Variants in TMEFF1 observed in about 807,000 individuals in gnomAD.
The protein encoded by TMEFF1 is transmembrane protein with EGF like and two follistatin like domains 1.
In TMEFF1, 20 loss-of-function variants were observed where a neutral mutation model predicts 47.5. The ratio of observed to expected loss-of-function variants is 0.42; its 90% CI spans 0.30 to 0.61. The LOEUF is 0.61. Ranked by LOEUF, TMEFF1 falls within the 20% of genes least tolerant of loss-of-function variation. The pLI is 0.19. For missense variants in TMEFF1, 411 were observed against 471.1 expected, an observed-to-expected ratio of 0.87 and a Z score of 1.18; for synonymous variants, 162 against 166.3, an observed-to-expected ratio of 0.97 and a Z score of 0.20.
At chr9:100,526,955 CAAAAAAAAA>C (rs55736750) in intron 5 of TMEFF1, among the ~76,000 whole-genome samples, 20 of 38,982 alleles carry the variant, frequency 5.1e-4, no homozygotes, top group Non-Finnish European at 7.3e-4. Flanking sequence ...GCTAAAAATA[CAAAAAAAAA>C]AAAAAAAAAA....
At chr9:100,543,505 CT>C (rs967927420) in intron 5 of TMEFF1, among the ~76,000 whole-genome samples, 32 of 151,932 alleles carry the variant, frequency 2.1e-4, no homozygotes, top group African/African-American at 7.2e-4. Flanking sequence ...GCATATTTTT[CT>C]CAGAATTGTA....
chr9:100,538,083 C>T (rs1838554992), intron 5 of TMEFF1, among the ~76,000 whole-genome samples: 2 of 151,582 alleles, frequency 1.3e-5, no homozygotes, highest in Admixed American at 6.6e-5. Context: ...TTGAGACAGA[C>T]TCTCATGTTG....
chr9:100,493,094 G>C (rs1837585790), intron 1 of TMEFF1, among the ~76,000 whole-genome samples: 1 of 151,838 alleles, frequency 6.6e-6, no homozygotes, highest in Non-Finnish European at 1.5e-5. Context: ...CCCCCCCACA[G>C]GATGTGGTTG....
At chr9:100,525,070 C>G (rs1838231745) in intron 5 of TMEFF1, among the ~76,000 whole-genome samples, 2 of 152,142 alleles carry the variant, frequency 1.3e-5, no homozygotes, top group South Asian at 4.1e-4. Flanking sequence ...ACACAGCTGT[C>G]TATAGAGTTA....
intron 2 of TMEFF1, among the ~76,000 whole-genome samples, chr9:100,502,082 C>T (rs1185805724): frequency 2.0e-5 from 3 of 152,148 alleles, no homozygotes; most frequent in African/African-American, 7.2e-5. Flanking sequence ...TCTTGCATTT[C>T]CTTCTAGAAG....
intron 5 of TMEFF1, among the ~76,000 whole-genome samples, chr9:100,522,541 A>G (rs903605425): frequency 3.6e-5 from 5 of 139,328 alleles, no homozygotes; most frequent in African/African-American, 1.3e-4. Flanking sequence ...GGGTTCAAGC[A>G]GTTCTCTGCC....
chr9:100,539,105 C>T (rs977934790), intron 5 of TMEFF1, among the ~76,000 whole-genome samples: 1 of 152,114 alleles, frequency 6.6e-6, no homozygotes, highest in Non-Finnish European at 1.5e-5. Flanking sequence ...AGGGTTTCGC[C>T]ATGTTGGCCA....
At chr9:100,516,216 A>G (rs1242292934) in intron 4 of TMEFF1, among the ~76,000 whole-genome samples, 1 of 152,122 alleles carries the variant, frequency 6.6e-6, no homozygotes, top group African/African-American at 2.4e-5. Context: ...TGTAGTTAGA[A>G]AGACAAGTAT....
At chr9:100,557,954 C>T (rs1290642481) in intron 7 of TMEFF1, among the ~76,000 whole-genome samples, 1 of 151,654 alleles carries the variant, frequency 6.6e-6, no homozygotes, top group South Asian at 2.1e-4. Context: ...TCTGTGAATT[C>T]GGACGTTGTC....
chr9:100,527,665 G>C (rs1427732022), intron 5 of TMEFF1, among the ~76,000 whole-genome samples: 2 of 152,180 alleles, frequency 1.3e-5, no homozygotes, highest in African/African-American at 4.8e-5. Context: ...GGCTGGGGGA[G>C]GGGCACCCGC....
rs552431710 is a variant in TMEFF1, at chr9:100,550,165, T to C, written c.775+5T>C. The C allele has an allele frequency of 3.3e-5, 53 of 1,609,590 alleles. 1 individual carries two copies. The South Asian group carries it at 5.7e-4, about 17-fold the overall frequency. ...AATATCGACCAGATGTGAAAGGTAC[T>C]GAATCATGCATCTCCAAATTTTGGC... On this transcript the variant is annotated splice_donor_5th_base_variant and intron_variant, in intron 7 of 9. Transcript: ENST00000374879.
At chr9:100,536,869 T>C (rs988802578) in intron 5 of TMEFF1, among the ~76,000 whole-genome samples, 2 of 152,230 alleles carry the variant, frequency 1.3e-5, no homozygotes, top group African/African-American at 4.8e-5. Flanking sequence ...AGTAATGGAT[T>C]CATTTTTCTA....
chr9:100,481,686 C>T (rs560731254), intron 1 of TMEFF1, among the ~76,000 whole-genome samples: 2 of 152,152 alleles, frequency 1.3e-5, no homozygotes, highest in East Asian at 3.9e-4. Flanking sequence ...AAGAGCCTGG[C>T]GGTACGATGA....
At chr9:100,555,154 T>TAC (rs1203063692) in intron 7 of TMEFF1, among the ~76,000 whole-genome samples, 1 of 146,010 alleles carries the variant, frequency 6.8e-6, no homozygotes, top group African/African-American at 2.5e-5. Flanking sequence ...TTTTATATTG[T>TAC]ACACACAGAC....
At chr9:100,491,363 ACAGT>A (rs1420868741) in intron 1 of TMEFF1, among the ~76,000 whole-genome samples, 2 of 152,212 alleles carry the variant, frequency 1.3e-5, no homozygotes, top group African/African-American at 4.8e-5. Flanking sequence ...TAACATCTAG[ACAGT>A]CAGTATAAAC....
intron 8 of TMEFF1, among the ~76,000 whole-genome samples, chr9:100,567,367 C>T (rs913769994): frequency 6.6e-6 from 1 of 152,196 alleles, no homozygotes; most frequent in Non-Finnish European, 1.5e-5. Flanking sequence ...GCAACCCTCC[C>T]TTCCTGCAAC....
intron 5 of TMEFF1, among the ~76,000 whole-genome samples, chr9:100,532,817 C>T (rs374188593): frequency 1.3e-5 from 2 of 151,972 alleles, no homozygotes; most frequent in Non-Finnish European, 2.9e-5. Flanking sequence ...TATTCACAAT[C>T]GCAAAGACTT....
At chr9:100,546,057 C>G (rs1167334765) in intron 5 of TMEFF1, among the ~76,000 whole-genome samples, 1 of 152,254 alleles carries the variant, frequency 6.6e-6, no homozygotes, top group Admixed American at 6.5e-5. Context: ...GCCCTCCAAA[C>G]TGTTCCAACT....
At chr9:100,514,577 G>A (rs1198557903) in intron 4 of TMEFF1, among the ~76,000 whole-genome samples, 3 of 151,688 alleles carry the variant, frequency 2.0e-5, no homozygotes, top group Middle Eastern at 3.2e-3. Context: ...TGGGCTGGGC[G>A]CAGTGGCTCA....
Sources: allele counts gnomAD v4.1 joint callset (sites outside exome capture counted in the v4.1 genomes callset), GRCh38; gene constraint gnomAD v4.1.1; transcripts MANE v1.5; gene names NCBI Gene and HGNC (gene_info 2026-07-23, HGNC 2026-07-21).